The following NAV2 variants were observed in gnomAD, a reference collection of about 807,000 sequenced individuals.
NAV2 encodes the protein neuron navigator 2.
A neutral mutation model predicts 223.2 loss-of-function variants in NAV2; 54 were observed. The ratio of observed to expected loss-of-function variants is 0.24; its 90% CI spans 0.19 to 0.30. NAV2 has a LOEUF of 0.30. Ranked by LOEUF, NAV2 falls within the 10% of genes least tolerant of loss-of-function variation. The pLI is 1.00. For missense variants in NAV2, 2,806 were observed against 3,147.5 expected (o/e 0.89, Z 2.60); for synonymous variants, 1,279 against 1,239.3 (o/e 1.03, Z -0.67).
intron 1 of NAV2, chr11:19,507,283 T>C (rs1019986729): frequency 2.6e-5 from 4 of 152,236 alleles, no homozygotes; most frequent in African/African-American, 9.6e-5. Context: ...CCATGGTGAC[T>C]GGCAGGGCCA....
intron 11 of NAV2, among the ~76,000 whole-genome samples, chr11:20,013,956 GGGGCTC>G (rs2153516846): frequency 6.6e-6 from 1 of 152,348 alleles, no homozygotes; most frequent in South Asian, 2.1e-4. Flanking sequence ...GACAGATGTA[GGGGCTC>G]AGCCCCAAGC....
intron 6 of NAV2, among the ~76,000 whole-genome samples, chr11:19,926,405 T>C (rs962178110): frequency 1.4e-4 from 21 of 152,224 alleles, no homozygotes; most frequent in African/African-American, 4.6e-4. Flanking sequence ...CTCTCCAAGA[T>C]GGAGTTGGAG....
Position 19,434,109 on chromosome 11 carries a change from C to CA in NAV2, c.75+83094dup, listed in dbSNP as rs34790501. 3.4e-3 allele frequency among the ~76,000 whole-genome samples: 506 copies of CA among 146,850 alleles called. 3 individuals are homozygous for CA. Among genetic ancestry groups the CA allele is most frequent in the African/African-American group, 8.0e-3 (321 of 40,104 alleles). On this transcript the variant is annotated intron_variant, in intron 1 of 37. Transcript: ENST00000360655. ...GATGAAAGGAGAGTGGAAAATGAGC[C>CA]AAAAAAAAAAAAGAGGAGAACATGG...
At chr11:20,023,016 G>GGGCTGGCTC in intron 11 of NAV2, 1 of 1,525,654 alleles carries the variant, frequency 6.6e-7, no homozygotes, top group East Asian at 2.5e-5. Context: ...GGCCCAGTGT[G>GGGCTGGCTC]GGCTGGCTCA....
chr11:19,795,611 A>T (rs993854005), intron 1 of NAV2, among the ~76,000 whole-genome samples: 3 of 152,240 alleles, frequency 2.0e-5, no homozygotes, highest in African/African-American at 7.2e-5. Flanking sequence ...AGATTTATAA[A>T]GTAAGGCTAA....
At position 19,734,320 on chromosome 11, in the gene NAV2, C is replaced by T. The variant is rs1354124808; in HGVS notation, c.267+20358C>T. Among the ~76,000 whole-genome samples the T allele has an allele frequency of 2.6e-5, 4 of 152,126 alleles. No homozygotes were observed. In the East Asian group the frequency reaches 7.7e-4, roughly 29 times the overall value. ...ATATTTGAGAGGATGAATATGATGA[C>T]CCATTGCCAGACATAGACATCTTAA... On this transcript the variant is annotated intron_variant, in intron 1 of 37. Transcript: ENST00000349880.
intron 1 of NAV2, among the ~76,000 whole-genome samples, chr11:19,392,573 G>C (rs988578266): frequency 1.3e-5 from 2 of 152,110 alleles, no homozygotes; most frequent in Non-Finnish European, 2.9e-5. Flanking sequence ...AGCATCCTGA[G>C]AGCACGAGCA....
Position 20,118,587 on chromosome 11 carries a change from G to GA in NAV2, c.*340dup, listed in dbSNP as rs764042925. 1.8e-3 allele frequency: 143 copies of GA among 79,806 alleles called. No individual in the cohort carries two copies. The highest frequency in any genetic ancestry group is 9.0e-3 in the Middle Eastern group (2 of 222). 4.9% of individuals were successfully genotyped at this position (79,806 alleles called of 1,614,324 possible). On this transcript the variant is annotated 3_prime_UTR_variant, in exon 38 of 38. Coordinates refer to ENST00000349880, the MANE Select transcript of NAV2 (RefSeq NM_145117.5). Reference sequence around the variant, plus strand: ...GTTGAAATGAAAAGAGAGACAGAGAGAAAAAAAAAAAGAGAACCCACATGA... The same window carrying GA: ...GTTGAAATGAAAAGAGAGACAGAGAGAAAAAAAAAAAAGAGAACCCACATGA...
intron 6 of NAV2, among the ~76,000 whole-genome samples, chr11:19,896,777 T>C (rs1255540144): frequency 6.6e-6 from 1 of 152,170 alleles, no homozygotes; most frequent in Non-Finnish European, 1.5e-5. Context: ...TTAAAAAATA[T>C]TAAGAGGGAC....
intron 1 of NAV2, among the ~76,000 whole-genome samples, chr11:19,383,344 C>T (rs1848916923): frequency 6.6e-6 from 1 of 152,188 alleles, no homozygotes; most frequent in African/African-American, 2.4e-5. Flanking sequence ...GTGGCAGTAG[C>T]CTGAGTACTT....
chr11:19,919,918 G>A (rs1045169516), intron 6 of NAV2, among the ~76,000 whole-genome samples: 3 of 152,076 alleles, frequency 2.0e-5, no homozygotes, highest in Non-Finnish European at 2.9e-5. Context: ...AGGATTACTC[G>A]AGCCCAGGGG....
intron 1 of NAV2, among the ~76,000 whole-genome samples, chr11:19,739,798 A>G (rs887324347): frequency 1.3e-5 from 2 of 152,094 alleles, no homozygotes; most frequent in African/African-American, 2.4e-5. Context: ...AAAATGCTTT[A>G]TTTTGCCCTC....
chr11:19,859,285 C>T (rs939862310), intron 3 of NAV2, among the ~76,000 whole-genome samples: 2 of 149,120 alleles, frequency 1.3e-5, no homozygotes, highest in African/African-American at 4.9e-5. Context: ...GAGGACCCTG[C>T]GGCCTTCCGC....
Position 19,534,428 on chromosome 11 carries a change from A to T in NAV2, c.75+183401A>T, listed in dbSNP as rs548434324. 1.8e-3 allele frequency among the ~76,000 whole-genome samples: 277 copies of T among 152,324 alleles called. 1 individual carries two copies. The highest frequency in any genetic ancestry group is 6.4e-3 in the African/African-American group (267 of 41,574). ...CAACAGCACCAGGCTCTGTGCTAGG[A>T]GCTGAGTTGAATAGCACAGTCTCTG... On this transcript the variant is annotated intron_variant, in intron 1 of 37. Transcript: ENST00000360655.
intron 6 of NAV2, among the ~76,000 whole-genome samples, chr11:19,926,298 G>A (rs1379185170): frequency 6.6e-6 from 1 of 152,110 alleles, no homozygotes; most frequent in Non-Finnish European, 1.5e-5. Context: ...AGCCCAGCTC[G>A]CTCTCCCTCC....
intron 20 of NAV2, among the ~76,000 whole-genome samples, chr11:20,065,677 C>A (rs376275237): frequency 1.3e-5 from 2 of 152,170 alleles, no homozygotes; most frequent in African/African-American, 4.8e-5. Context: ...TGGGGCCCAA[C>A]CCCAGAGACA....
chr11:19,643,493 C>G (rs1223043094), intron 1 of NAV2, among the ~76,000 whole-genome samples: 1 of 152,136 alleles, frequency 6.6e-6, no homozygotes, highest in Non-Finnish European at 1.5e-5. Context: ...AGGACATGAA[C>G]TCATCCTTTT....
At chr11:19,584,116 T>G (rs954602632) in intron 1 of NAV2, among the ~76,000 whole-genome samples, 2 of 152,196 alleles carry the variant, frequency 1.3e-5, no homozygotes, top group Non-Finnish European at 2.9e-5. Context: ...GGAGAGTGTA[T>G]GTATTGAGGA....
intron 1 of NAV2, among the ~76,000 whole-genome samples, chr11:19,402,891 G>A (rs1167002045): frequency 6.6e-6 from 1 of 152,198 alleles, no homozygotes; most frequent in Non-Finnish European, 1.5e-5. Context: ...AGAACATAGA[G>A]ATAAGAGGGA....
Sources: allele counts gnomAD v4.1 joint callset (sites outside exome capture counted in the v4.1 genomes callset), GRCh38; gene constraint gnomAD v4.1.1; transcripts MANE v1.5; gene names NCBI Gene and HGNC (gene_info 2026-07-23, HGNC 2026-07-21).